The following TRPC1 variants were observed in gnomAD, a reference collection of about 807,000 sequenced individuals.
The protein encoded by TRPC1 is short transient receptor potential channel 1.
A neutral mutation model predicts 88.2 loss-of-function variants in TRPC1; 42 were observed. The ratio of observed to expected loss-of-function variants is 0.48; its 90% CI spans 0.37 to 0.62. The LOEUF is 0.62. Ranked by LOEUF, TRPC1 falls within the 20% of genes least tolerant of loss-of-function variation. The pLI is 0.00. For synonymous variants in TRPC1, 288 were observed against 331.8 expected, an observed-to-expected ratio of 0.87 and a Z score of 1.43; for missense variants, 699 against 957.3, an observed-to-expected ratio of 0.73 and a Z score of 3.56.
intron 1 of TRPC1, among the ~76,000 whole-genome samples, chr3:142,728,739 A>G (rs1370108158): frequency 6.6e-6 from 1 of 152,232 alleles, no homozygotes; most frequent in Non-Finnish European, 1.5e-5. Flanking sequence ...TTTCTGAGAG[A>G]AGTAATATTA....
At chr3:142,732,960 T>C (rs949969606) in intron 1 of TRPC1, among the ~76,000 whole-genome samples, 4 of 135,516 alleles carry the variant, frequency 3.0e-5, no homozygotes, top group Non-Finnish European at 4.5e-5. Flanking sequence ...TTAAGAGTGT[T>C]CTGGTCTTTT....
chr3:142,727,045 C>G (rs932042700), intron 1 of TRPC1, among the ~76,000 whole-genome samples: 2 of 152,152 alleles, frequency 1.3e-5, no homozygotes, highest in Non-Finnish European at 2.9e-5. Context: ...CTAACCACTA[C>G]GTTATATAGA....
In TRPC1 at chr3:142,802,666, C is replaced by T. The variant is rs111662953; in HGVS notation, c.1757+322C>T. Among the ~76,000 whole-genome samples the T allele has an allele frequency of 4.2e-3, 647 of 152,280 alleles. 3 individuals carry two copies. The highest frequency in any genetic ancestry group is 0.01 in the Middle Eastern group (3 of 294). On this transcript the variant is annotated intron_variant, in intron 10 of 12. Transcript: ENST00000476941. ...ATGTATTGCAAGATGTTCAGCATCTCTGTCCTTCAGGTATTAAATGTCAGT... is the reference window on the plus strand; with the variant it reads ...ATGTATTGCAAGATGTTCAGCATCTTTGTCCTTCAGGTATTAAATGTCAGT...
At chr3:142,773,763 G>T (rs1336688023) in intron 4 of TRPC1, among the ~76,000 whole-genome samples, 5 of 148,222 alleles carry the variant, frequency 3.4e-5, no homozygotes, top group Non-Finnish European at 7.4e-5. Context: ...TAGTTTTTTA[G>T]TAATGGATTG....
At chr3:142,755,785 C>CT (rs545252750) in intron 4 of TRPC1, among the ~76,000 whole-genome samples, 10 of 152,042 alleles carry the variant, frequency 6.6e-5, no homozygotes, top group Non-Finnish European at 1.3e-4. Context: ...TCAAAAAAGG[C>CT]TTTTTTTACA....
At chr3:142,764,869 C>T (rs1207513556) in intron 4 of TRPC1, among the ~76,000 whole-genome samples, 3 of 152,088 alleles carry the variant, frequency 2.0e-5, no homozygotes, top group African/African-American at 7.2e-5. Flanking sequence ...TGCTCTGCTC[C>T]CTCTTAAACA....
At chr3:142,761,304 T>C (rs1308389138) in intron 4 of TRPC1, among the ~76,000 whole-genome samples, 1 of 152,214 alleles carries the variant, frequency 6.6e-6, no homozygotes, top group African/African-American at 2.4e-5. Context: ...TATTGAATGC[T>C]TTTCTGGCAT....
chr3:142,724,523 G>A lies in TRPC1; in HGVS notation c.-37G>A, dbSNP rs763503429. ...CGGGGTCGGGGCCGGTGGGGGCCCC[G>A]CCCCCGTCTCCTGGCCTGCCCCCTT... On this transcript the variant is annotated 5_prime_UTR_variant, in exon 1 of 13. Coordinates refer to ENST00000476941, the MANE Select transcript of TRPC1 (RefSeq NM_001251845.2). The surrounding 1 kb of genome is among the most constrained non-coding windows in gnomAD (Gnocchi z 5.6). The A allele has an allele frequency of 4.9e-6, 7 of 1,428,812 alleles. No homozygotes were observed. In the South Asian group the frequency reaches 6.6e-5, roughly 13 times the overall value. 88.5% of individuals were successfully genotyped at this position (1,428,812 alleles called of 1,614,324 possible). A position where few individuals can be genotyped will look rare whatever the true frequency, so the allele number is the denominator to read the frequency against.
intron 4 of TRPC1, among the ~76,000 whole-genome samples, chr3:142,756,551 G>A (rs912881276): frequency 6.6e-6 from 1 of 151,950 alleles, no homozygotes; most frequent in African/African-American, 2.4e-5. Flanking sequence ...AGTAGAGACG[G>A]GGTTTCACCG....
chr3:142,731,464 A>T (rs1277404253), intron 1 of TRPC1, among the ~76,000 whole-genome samples: 3 of 140,826 alleles, frequency 2.1e-5, no homozygotes, highest in Non-Finnish European at 4.5e-5. Flanking sequence ...GGTTCACTGC[A>T]AGCTCCGCCT....
chr3:142,756,759 T>C (rs1934981460), intron 4 of TRPC1, among the ~76,000 whole-genome samples: 1 of 152,202 alleles, frequency 6.6e-6, no homozygotes, highest in Non-Finnish European at 1.5e-5. Flanking sequence ...TTTCTTACTG[T>C]GGTTTTAAAA....
At chr3:142,738,355 T>C (rs1934217517) in intron 2 of TRPC1, among the ~76,000 whole-genome samples, 1 of 152,180 alleles carries the variant, frequency 6.6e-6, no homozygotes, top group South Asian at 2.1e-4. Flanking sequence ...AAGTAAAACA[T>C]GGGTTCTGTG....
At chr3:142,764,943 T>A (rs1247832228) in intron 4 of TRPC1, among the ~76,000 whole-genome samples, 1 of 152,150 alleles carries the variant, frequency 6.6e-6, no homozygotes, top group African/African-American at 2.4e-5. Flanking sequence ...TCTTTGTTCC[T>A]TTTTGTTCTT....
intron 4 of TRPC1, among the ~76,000 whole-genome samples, chr3:142,764,017 AC>A (rs1935301375): frequency 3.7e-5 from 4 of 108,846 alleles, no homozygotes; most frequent in African/African-American, 1.3e-4. Flanking sequence ...TATATATATA[AC>A]AAATTATTTT....
rs184509723 is a variant in TRPC1 at position 142,762,679 on chromosome 3, G to A, written c.632+14219G>A. On this transcript the variant is annotated intron_variant, in intron 4 of 12. Coordinates refer to ENST00000476941, the MANE Select transcript of TRPC1 (RefSeq NM_001251845.2). ...CCTGACCTCAAGTGATCCTCCTATC[G>A]TGGCCTCCCAAAGTGCTGGGATTAC... Among the ~76,000 whole-genome samples the A allele has an allele frequency of 3.1e-3, 463 of 148,808 alleles. 2 individuals carry two copies. The highest frequency in any genetic ancestry group is 9.7e-3 in the African/African-American group (395 of 40,518).
intron 4 of TRPC1, among the ~76,000 whole-genome samples, chr3:142,750,737 A>T (rs1363250958): frequency 6.6e-6 from 1 of 152,168 alleles, no homozygotes; most frequent in Non-Finnish European, 1.5e-5. Context: ...ATGCAGCCAT[A>T]AAAAAGGATG....
At chr3:142,760,089 G>A (rs1315153375) in intron 4 of TRPC1, among the ~76,000 whole-genome samples, 1 of 152,118 alleles carries the variant, frequency 6.6e-6, no homozygotes, top group Non-Finnish European at 1.5e-5. Flanking sequence ...GCCTCCCAAA[G>A]TGTTGGGATT....
chr3:142,738,433 A>C (rs1934220603), intron 2 of TRPC1, among the ~76,000 whole-genome samples: 1 of 152,240 alleles, frequency 6.6e-6, no homozygotes, highest in East Asian at 1.9e-4. Context: ...TAAGTAATAC[A>C]AAGGTATATT....
In TRPC1 at chr3:142,770,350, G is replaced by C. The variant is rs1379715369; in HGVS notation, c.633-7282G>C. On this transcript the variant is annotated intron_variant, in intron 4 of 12. Coordinates refer to ENST00000476941, the MANE Select transcript of TRPC1 (RefSeq NM_001251845.2). The stretch of plus-strand genomic sequence containing the variant: ...GACCTCAAGTAATCCGCCCGCCTCA[G>C]CCTCCCAAATTGCTAGGAATACAGG... 2.6e-5 allele frequency among the ~76,000 whole-genome samples: 4 copies of C among 152,094 alleles called. 1 individual carries two copies. The highest frequency in any genetic ancestry group is 1.3e-4 in the Admixed American group (2 of 15,280).
Sources: gnomAD v4.1 joint callset for allele counts (sites outside exome capture counted in the v4.1 genomes callset) on GRCh38, gnomAD v4.1.1 for gene constraint, Gnocchi (gnomAD v3.1) non-coding constraint, MANE v1.5 for transcripts, NCBI Gene and HGNC (gene_info 2026-07-23, HGNC 2026-07-21) for gene names.